Variants in ADCY8 observed in about 807,000 individuals in gnomAD.
ADCY8 encodes the protein adenylate cyclase type 8.
A neutral mutation model predicts 119.7 loss-of-function variants in ADCY8; 51 were observed. The ratio of observed to expected loss-of-function variants is 0.43; its 90% CI spans 0.34 to 0.54. The LOEUF (loss-of-function observed/expected upper bound fraction) is 0.54. Among genes scored for constraint, ADCY8 ranks in the 20% least tolerant of loss-of-function variants. The pLI, the probability that ADCY8 is intolerant of heterozygous loss-of-function variation, is 0.03. For missense variants in ADCY8, 1,383 were observed against 1,598.8 expected (o/e 0.87, Z 2.30); for synonymous variants, 665 against 651.0 (o/e 1.02, Z -0.33).
rs117367644 is a variant in ADCY8, at chr8:131,003,778, A to G, written c.961-13236T>C. ...AAAACCTGGAGAGTTCTGGGAAGACAAGGAGGAGTTTTATCCACACTTTTC... is the reference window on the plus strand; with the variant it reads ...AAAACCTGGAGAGTTCTGGGAAGACGAGGAGGAGTTTTATCCACACTTTTC... On this transcript the variant is annotated intron_variant, in intron 1 of 17. Coordinates refer to ENST00000286355, the MANE Select transcript of ADCY8 (RefSeq NM_001115.3). Among the ~76,000 whole-genome samples the G allele has an allele frequency of 6.6e-3, 1,001 of 152,262 alleles. 14 individuals carry two copies. Among genetic ancestry groups the G allele is most frequent in the Non-Finnish European group, 7.4e-3 (502 of 68,020 alleles).
chr8:130,856,024 ACTC>A (rs1221130193), intron 9 of ADCY8, among the ~76,000 whole-genome samples: 2 of 151,118 alleles, frequency 1.3e-5, no homozygotes, highest in Non-Finnish European at 3.0e-5. Context: ...GAACTTCACA[ACTC>A]CTATCCTTCA....
At chr8:130,838,054 A>G (rs1382374479) in intron 11 of ADCY8, among the ~76,000 whole-genome samples, 1 of 152,190 alleles carries the variant, frequency 6.6e-6, no homozygotes, top group Admixed American at 6.6e-5. Context: ...CAATTTTTGT[A>G]TGGGCAGGGG....
At chr8:130,842,823 G>A (rs1817187150) in intron 11 of ADCY8, among the ~76,000 whole-genome samples, 1 of 144,410 alleles carries the variant, frequency 6.9e-6, no homozygotes, top group Non-Finnish European at 1.5e-5. Flanking sequence ...AGTGAGCCGA[G>A]ATTGCACCAC....
chr8:130,930,543 G>A (rs566597435), intron 5 of ADCY8, among the ~76,000 whole-genome samples: 39 of 152,106 alleles, frequency 2.6e-4, no homozygotes, highest in Middle Eastern at 3.4e-3. Context: ...GAGCCACCGC[G>A]CCCAGCCTCT....
chr8:130,991,291 C>T (rs1258368942), intron 1 of ADCY8, among the ~76,000 whole-genome samples: 1 of 152,158 alleles, frequency 6.6e-6, no homozygotes, highest in Non-Finnish European at 1.5e-5. Context: ...GGTCACAGCT[C>T]ATGCAGTGTG....
intron 8 of ADCY8, among the ~76,000 whole-genome samples, chr8:130,869,974 T>TTCCTTCTCCTTCTTCC (rs1554610105): frequency 5.1e-4 from 76 of 148,720 alleles, no homozygotes; most frequent in Middle Eastern, 3.4e-3. Flanking sequence ...TTCTTCCTTC[T>TTCCTTCTCCTTCTTCC]TCCTCCTCCT....
intron 1 of ADCY8, among the ~76,000 whole-genome samples, chr8:131,016,709 A>T (rs775102433): frequency 1.3e-5 from 2 of 152,182 alleles, no homozygotes; most frequent in South Asian, 4.2e-4. Context: ...AAAGAGAGAG[A>T]GAGTATGTGG....
chr8:130,862,157 T>C (rs1476954432), intron 9 of ADCY8, among the ~76,000 whole-genome samples: 1 of 152,158 alleles, frequency 6.6e-6, no homozygotes, highest in Non-Finnish European at 1.5e-5. Context: ...TTTGTTAATT[T>C]TCTTTATTGT....
chr8:130,796,624 AG>A (rs1815586003), intron 15 of ADCY8, among the ~76,000 whole-genome samples: 1 of 152,122 alleles, frequency 6.6e-6, no homozygotes, highest in Admixed American at 6.5e-5. Context: ...AAAACAAAAA[AG>A]GCAGGTCTGA....
intron 3 of ADCY8, among the ~76,000 whole-genome samples, chr8:130,951,522 T>C (rs1821270958): frequency 6.6e-6 from 1 of 152,360 alleles, no homozygotes. Context: ...AGGGGATGTA[T>C]GTGATCACAC....
chr8:130,851,995 G>GTGTA (rs1817545102), intron 9 of ADCY8, among the ~76,000 whole-genome samples: 1 of 152,156 alleles, frequency 6.6e-6, no homozygotes, highest in Non-Finnish European at 1.5e-5. Flanking sequence ...CAAGGATAGT[G>GTGTA]TGTACAGCAA....
chr8:131,016,077 T>C (rs1823465841), intron 1 of ADCY8, among the ~76,000 whole-genome samples: 1 of 152,162 alleles, frequency 6.6e-6, no homozygotes. Context: ...CTCCAAACTA[T>C]GTGCCTGCTT....
At chr8:131,019,756 C>T (rs748508982) in intron 1 of ADCY8, among the ~76,000 whole-genome samples, 1 of 151,386 alleles carries the variant, frequency 6.6e-6, no homozygotes, top group Non-Finnish European at 1.5e-5. Context: ...CTTCATTGCT[C>T]TTACTATCTG....
intron 15 of ADCY8, among the ~76,000 whole-genome samples, chr8:130,795,355 C>A (rs1308203388): frequency 2.0e-5 from 3 of 152,146 alleles, no homozygotes; most frequent in East Asian, 1.9e-4. Flanking sequence ...TGTGGAACAC[C>A]TTTTTCAAAA....
At chr8:131,031,089 T>C (rs563787884) in intron 1 of ADCY8, among the ~76,000 whole-genome samples, 6 of 152,276 alleles carry the variant, frequency 3.9e-5, no homozygotes, top group African/African-American at 1.4e-4. Context: ...TCTATAGGAA[T>C]ATATATGTAT....
chr8:130,893,287 T>C (rs1819255004), intron 7 of ADCY8, among the ~76,000 whole-genome samples: 1 of 152,054 alleles, frequency 6.6e-6, no homozygotes, highest in African/African-American at 2.4e-5. Context: ...CATCTCGAGA[T>C]TAGGGATGGT....
intron 14 of ADCY8, among the ~76,000 whole-genome samples, chr8:130,805,191 A>G (rs1416287756): frequency 6.6e-6 from 1 of 152,224 alleles, no homozygotes; most frequent in Non-Finnish European, 1.5e-5. Flanking sequence ...TTGCACATAC[A>G]TCATCTCATT....
intron 5 of ADCY8, among the ~76,000 whole-genome samples, chr8:130,930,224 A>C (rs1586581019): frequency 6.7e-6 from 1 of 149,234 alleles, no homozygotes; most frequent in Non-Finnish European, 1.5e-5. Context: ...AGTGATTTTC[A>C]CTAGTGTTAT....
intron 6 of ADCY8, among the ~76,000 whole-genome samples, chr8:130,904,365 A>AT (rs35578806): frequency 1.1e-4 from 17 of 151,458 alleles, no homozygotes; most frequent in Non-Finnish European, 2.2e-4. Context: ...CAAAACAGTG[A>AT]TTTTTTTTTT....
Sources: allele counts gnomAD v4.1 joint callset (sites outside exome capture counted in the v4.1 genomes callset), GRCh38; gene constraint gnomAD v4.1.1; transcripts MANE v1.5; gene names NCBI Gene and HGNC (gene_info 2026-07-23, HGNC 2026-07-21).